Variants in NCKAP5 observed in about 807,000 individuals in gnomAD.
The protein encoded by NCKAP5 is nck-associated protein 5.
Under a neutral mutation model 167.0 loss-of-function variants are expected in NCKAP5, and 92 were observed. The observed-to-expected ratio is 0.55, with a 90% CI of 0.47 to 0.66. NCKAP5 has a LOEUF of 0.66. Ranked by LOEUF, NCKAP5 falls within the 30% of genes least tolerant of loss-of-function variation. The pLI is 0.00. For synonymous variants in NCKAP5, 891 were observed against 877.4 expected (o/e 1.02, Z -0.27); for missense variants, 2,378 against 2,315.0 (o/e 1.03, Z -0.56).
chr2:133,165,525 G>C (rs1030066193), intron 5 of NCKAP5, among the ~76,000 whole-genome samples: 4 of 152,172 alleles, frequency 2.6e-5, no homozygotes, highest in Non-Finnish European at 5.9e-5. Context: ...AGCTACAGTT[G>C]CGTGTGTCAA....
At chr2:133,072,946 C>T (rs1292714215) in intron 6 of NCKAP5, among the ~76,000 whole-genome samples, 1 of 152,132 alleles carries the variant, frequency 6.6e-6, no homozygotes, top group African/African-American at 2.4e-5. Flanking sequence ...CACTCCCTTG[C>T]ACTAACTACA....
chr2:133,510,226 G>A (rs1683367716), intron 3 of NCKAP5, among the ~76,000 whole-genome samples: 1 of 152,184 alleles, frequency 6.6e-6, no homozygotes, highest in African/African-American at 2.4e-5. Context: ...AAACCCCACT[G>A]CATGCTGGGG....
In NCKAP5 at chr2:132,791,676, G is replaced by A. The variant is rs1450254569; in HGVS notation, c.910-1471C>T. 3.9e-5 allele frequency among the ~76,000 whole-genome samples: 6 copies of A among 152,146 alleles called. No individual in the cohort carries two copies. The South Asian group carries it at 1.0e-3, about 26-fold the overall frequency. ...AAGCCTTTTACTTATACAATTTATT[G>A]ACACTTTGTGGGTGCCTTTCAGTAC... On this transcript the variant is annotated intron_variant, in intron 12 of 19. Coordinates refer to ENST00000409261, the MANE Select transcript of NCKAP5 (RefSeq NM_207363.3).
At chr2:132,790,700 T>G (rs879700260) in intron 12 of NCKAP5, among the ~76,000 whole-genome samples, 1 of 152,172 alleles carries the variant, frequency 6.6e-6, no homozygotes, top group Admixed American at 6.5e-5. Flanking sequence ...GCTCTGCCTC[T>G]TCCTGTGTGG....
chr2:133,492,499 G>A (rs1375664337), intron 3 of NCKAP5, among the ~76,000 whole-genome samples: 2 of 152,114 alleles, frequency 1.3e-5, no homozygotes, highest in Non-Finnish European at 2.9e-5. Context: ...TCTCTGAAGG[G>A]AGCACAACAC....
At chr2:133,110,165 T>C (rs1003582785) in intron 6 of NCKAP5, among the ~76,000 whole-genome samples, 1 of 152,220 alleles carries the variant, frequency 6.6e-6, no homozygotes, top group African/African-American at 2.4e-5. Flanking sequence ...CGATTTCCTT[T>C]TGCGGGTTCC....
At chr2:133,151,876 G>A (rs1219313650) in intron 5 of NCKAP5, among the ~76,000 whole-genome samples, 1 of 152,084 alleles carries the variant, frequency 6.6e-6, no homozygotes, top group Non-Finnish European at 1.5e-5. Flanking sequence ...TTGAGGTGGG[G>A]GGACCTCACT....
chr2:133,359,444 G>C (rs577349802), intron 3 of NCKAP5, among the ~76,000 whole-genome samples: 1 of 152,142 alleles, frequency 6.6e-6, no homozygotes, highest in Admixed American at 6.5e-5. Context: ...TGTGTGATTT[G>C]TCATGAGGAA....
In NCKAP5 at chr2:133,470,462, T is replaced by C. The variant is rs564327387; in HGVS notation, c.69+46996A>G. Among the ~76,000 whole-genome samples the C allele has an allele frequency of 8.3e-4, 126 of 152,278 alleles. 1 individual carries two copies. The highest frequency in any genetic ancestry group is 2.4e-3 in the African/African-American group (101 of 41,578). ...GTCTGCAGAGGTTGCTGCTGTCTTT[T>C]TGTTTGTCTGTGCCCTGCCCCCAGA... On this transcript the variant is annotated intron_variant, in intron 3 of 19. Coordinates refer to ENST00000409261, the MANE Select transcript of NCKAP5 (RefSeq NM_207363.3).
chr2:132,689,393 A>G (rs1686426639), intron 19 of NCKAP5, among the ~76,000 whole-genome samples: 1 of 152,346 alleles, frequency 6.6e-6, no homozygotes, highest in South Asian at 2.1e-4. Context: ...AGGATAATGC[A>G]GTACATGTTT....
chr2:133,095,840 C>A (rs889430002), intron 6 of NCKAP5, among the ~76,000 whole-genome samples: 5 of 152,110 alleles, frequency 3.3e-5, no homozygotes, highest in African/African-American at 1.2e-4. Flanking sequence ...CTGGACCATA[C>A]GAAATTGCCA....
At chr2:133,028,027 C>T (rs376728680) in intron 6 of NCKAP5, among the ~76,000 whole-genome samples, 1 of 152,096 alleles carries the variant, frequency 6.6e-6, no homozygotes, top group African/African-American at 2.4e-5. Flanking sequence ...AAAGGAAATG[C>T]TCATTGGAGT....
At chr2:133,476,420 G>T (rs975296072) in intron 3 of NCKAP5, among the ~76,000 whole-genome samples, 1 of 151,984 alleles carries the variant, frequency 6.6e-6, no homozygotes, top group Non-Finnish European at 1.5e-5. Flanking sequence ...AATTCTAATC[G>T]GGCTGCCCTC....
At chr2:133,421,494 A>G (rs11898252) in intron 3 of NCKAP5, among the ~76,000 whole-genome samples, 46,901 of 152,044 alleles carry the variant, frequency 0.31, 7,687 homozygotes, top group African/African-American at 0.4. Context: ...GGTGAGGAGA[A>G]GGGAGAGAGA....
chr2:132,856,130 C>G (rs1323074729), intron 11 of NCKAP5, among the ~76,000 whole-genome samples: 1 of 152,146 alleles, frequency 6.6e-6, no homozygotes, highest in Non-Finnish European at 1.5e-5. Context: ...TACATGAACT[C>G]CAGTATGGGG....
chr2:133,357,462 G>T (rs1055256356), intron 3 of NCKAP5, among the ~76,000 whole-genome samples: 2 of 152,006 alleles, frequency 1.3e-5, no homozygotes, highest in African/African-American at 4.8e-5. Flanking sequence ...CCAAAAATTA[G>T]AATAATTTCT....
chr2:133,555,144 C>T (rs1219847303), intron 2 of NCKAP5, among the ~76,000 whole-genome samples: 1 of 152,190 alleles, frequency 6.6e-6, no homozygotes, highest in East Asian at 1.9e-4. Context: ...TGAACTGCTT[C>T]ACCCTGTGTT....
intron 8 of NCKAP5, among the ~76,000 whole-genome samples, chr2:132,881,164 C>T (rs912032688): frequency 1.3e-4 from 19 of 151,948 alleles, no homozygotes; most frequent in African/African-American, 4.6e-4. Flanking sequence ...ATCCGGAATA[C>T]CTTGCCTTTT....
chr2:133,070,682 C>T (rs1305114829), intron 6 of NCKAP5, among the ~76,000 whole-genome samples: 1 of 152,078 alleles, frequency 6.6e-6, no homozygotes, highest in Non-Finnish European at 1.5e-5. Flanking sequence ...AGAAGTTATA[C>T]ACTCCTCCCA....
Sources: gnomAD v4.1 joint callset for allele counts (sites outside exome capture counted in the v4.1 genomes callset) on GRCh38, gnomAD v4.1.1 for gene constraint, MANE v1.5 for transcripts, NCBI Gene and HGNC (gene_info 2026-07-23, HGNC 2026-07-21) for gene names.